The following DACH2 variants were observed in gnomAD, a reference collection of about 807,000 sequenced individuals.
DACH2 encodes the protein dachshund family transcription factor 2.
Under a neutral mutation model 35.8 loss-of-function variants are expected in DACH2, and 17 were observed. The observed-to-expected ratio is 0.48, with a 90% CI of 0.33 to 0.71. The LOEUF (loss-of-function observed/expected upper bound fraction) is 0.71, where lower values mean the gene tolerates loss of function less well. Ranked by LOEUF, DACH2 falls within the 30% of genes least tolerant of loss-of-function variation. The pLI, the probability that DACH2 is intolerant of heterozygous loss-of-function variation, is 0.02. For missense variants in DACH2, 469 were observed against 472.7 expected (o/e 0.99, Z 0.07); for synonymous variants, 195 against 177.3 (o/e 1.10, Z -0.79).
intron 2 of DACH2, among the ~76,000 whole-genome samples, chrX:86,390,250 A>T (rs187389646): frequency 8.9e-6 from 1 of 112,251 alleles, no homozygotes; most frequent in East Asian, 2.8e-4. Flanking sequence ...CTAAAATTGG[A>T]CAGATTTGTT....
intron 2 of DACH2, among the ~76,000 whole-genome samples, chrX:86,395,372 A>G (rs987327564): frequency 1.5e-4 from 17 of 110,670 alleles, no homozygotes; most frequent in Admixed American, 6.7e-4. Flanking sequence ...TATATATTAT[A>G]TTTCTTTTTT....
At chrX:86,743,011 A>G (rs2041673203) in intron 7 of DACH2, among the ~76,000 whole-genome samples, 1 of 111,545 alleles carries the variant, frequency 9.0e-6, no homozygotes, top group Admixed American at 9.6e-5. Flanking sequence ...CTCCCTTTGT[A>G]TTACATATTT....
chrX:86,702,972 A>G (rs903359553), intron 5 of DACH2, among the ~76,000 whole-genome samples: 2 of 111,375 alleles, frequency 1.8e-5, no homozygotes, highest in Non-Finnish European at 3.8e-5. Context: ...CCAAAAAAAG[A>G]TAACTACAGA....
chrX:86,571,001 T>C (rs994176776), intron 3 of DACH2, among the ~76,000 whole-genome samples: 3 of 111,605 alleles, frequency 2.7e-5, no homozygotes, highest in Middle Eastern at 4.2e-3. Flanking sequence ...TTTTGTATAA[T>C]ACATTTTTGC....
chrX:86,544,456 C>T (rs1383309855), intron 3 of DACH2, among the ~76,000 whole-genome samples: 1 of 111,578 alleles, frequency 9.0e-6, no homozygotes, highest in Non-Finnish European at 1.9e-5. Context: ...CAGCAGAAAC[C>T]TTACAAGCCA....
At chrX:86,255,697 G>A (rs2033505523) in intron 1 of DACH2, among the ~76,000 whole-genome samples, 1 of 111,353 alleles carries the variant, frequency 9.0e-6, no homozygotes, top group Admixed American at 9.6e-5. Context: ...GTTAACCTAC[G>A]TGGCCAATAT....
At chrX:86,164,446 C>T (rs1027777119) in intron 1 of DACH2, among the ~76,000 whole-genome samples, 1 of 111,318 alleles carries the variant, frequency 9.0e-6, no homozygotes, top group African/African-American at 3.3e-5. Flanking sequence ...AATTAGATTC[C>T]ACTTGTCAAT....
chrX:86,225,404 A>G (rs534669019), intron 1 of DACH2, among the ~76,000 whole-genome samples: 1 of 111,215 alleles, frequency 9.0e-6, no homozygotes, highest in African/African-American at 3.3e-5. Flanking sequence ...TGTATTTCAA[A>G]TTTATCCTGG....
intron 4 of DACH2, among the ~76,000 whole-genome samples, chrX:86,660,476 G>T (rs1238805190): frequency 9.0e-6 from 1 of 111,552 alleles, no homozygotes; most frequent in Non-Finnish European, 1.9e-5. Flanking sequence ...TATAGGCAAT[G>T]GTTCTTAAAC....
At chrX:86,298,267 C>T (rs962970954) in intron 1 of DACH2, among the ~76,000 whole-genome samples, 16 of 111,695 alleles carry the variant, frequency 1.4e-4, no homozygotes, top group African/African-American at 4.5e-4. Flanking sequence ...CCCTCTTGGT[C>T]TACCTCCAGT....
intron 1 of DACH2, among the ~76,000 whole-genome samples, chrX:86,214,934 A>C (rs1438127111): frequency 9.0e-6 from 1 of 111,464 alleles, no homozygotes; most frequent in Non-Finnish European, 1.9e-5. Context: ...TAGCATTCTA[A>C]AAAAACAAGG....
chrX:86,444,881 T>C (rs2037233661), intron 2 of DACH2, among the ~76,000 whole-genome samples: 1 of 111,236 alleles, frequency 9.0e-6, no homozygotes, highest in Non-Finnish European at 1.9e-5. Context: ...ATCTGCAAAG[T>C]TTGATTAGTG....
chrX:86,190,561 A>G (rs1172596647), intron 1 of DACH2, among the ~76,000 whole-genome samples: 2 of 112,552 alleles, frequency 1.8e-5, no homozygotes, highest in Non-Finnish European at 3.7e-5. Context: ...CAACAAGCAT[A>G]TGAAAAAATG....
chrX:86,289,492 A>G (rs1485038122), intron 1 of DACH2, among the ~76,000 whole-genome samples: 1 of 107,749 alleles, frequency 9.3e-6, no homozygotes, highest in Non-Finnish European at 1.9e-5. Flanking sequence ...ACATATGTAT[A>G]CATGTGACAA....
intron 6 of DACH2, among the ~76,000 whole-genome samples, chrX:86,720,464 C>T (rs946662322): frequency 1.3e-4 from 15 of 111,657 alleles, no homozygotes; most frequent in Non-Finnish European, 2.4e-4. Context: ...TATACAAGTC[C>T]GCAATCCAAT....
chrX:86,210,435 C>T (rs889941024), intron 1 of DACH2, among the ~76,000 whole-genome samples: 3 of 111,034 alleles, frequency 2.7e-5, no homozygotes, highest in African/African-American at 9.8e-5. Context: ...CCTCATTTAA[C>T]CTTGTGAGAG....
chrX:86,586,551 A>G (rs769781470), intron 3 of DACH2, among the ~76,000 whole-genome samples: 48 of 111,139 alleles, frequency 4.3e-4, no homozygotes, highest in Middle Eastern at 4.6e-3. Context: ...TTAAGTTTTT[A>G]CATTTGGGTT....
chrX:86,422,935 G>A (rs1019577603), intron 2 of DACH2, among the ~76,000 whole-genome samples: 1 of 111,063 alleles, frequency 9.0e-6, no homozygotes, highest in Non-Finnish European at 1.9e-5. Context: ...GTCTTTCTGT[G>A]CCTGACTTAT....
chrX:86,289,450 T>C (rs2034225058), intron 1 of DACH2, among the ~76,000 whole-genome samples: 1 of 108,258 alleles, frequency 9.2e-6, no homozygotes, highest in South Asian at 4.1e-4. Context: ...CTTTAAGTTT[T>C]AGGGAACATG....
Sources: allele counts gnomAD v4.1 joint callset (sites outside exome capture counted in the v4.1 genomes callset), GRCh38; gene constraint gnomAD v4.1.1; transcripts MANE v1.5; gene names NCBI Gene and HGNC (gene_info 2026-07-23, HGNC 2026-07-21).